MAP3K3: variants seen among roughly 807,000 people sequenced by gnomAD.
MAP3K3 encodes the protein mitogen-activated protein kinase kinase kinase 3, also known as MAP/ERK kinase kinase 3.
Under a neutral mutation model 80.9 loss-of-function variants are expected in MAP3K3, and 12 were observed. The observed-to-expected ratio is 0.15, with a 90% confidence interval of 0.10 to 0.24. The LOEUF is 0.24. Among genes scored for constraint, MAP3K3 ranks in the 10% least tolerant of loss-of-function variants. The pLI is 1.00. For missense variants in MAP3K3, 596 were observed against 834.7 expected, an observed-to-expected ratio of 0.71 and a Z score of 3.52; for synonymous variants, 272 against 307.1, an observed-to-expected ratio of 0.89 and a Z score of 1.19.
Position 63,689,427 on chromosome 17 carries a change from T to A in MAP3K3, c.872-117T>A. On this transcript the variant is annotated intron_variant, in intron 10 of 15. Coordinates refer to ENST00000361733, the MANE Select transcript of MAP3K3 (RefSeq NM_002401.5). The surrounding 1 kb of genome is among the most constrained non-coding windows in gnomAD (Gnocchi z 4.3). ...GCTGGTATTATCTATCACTTCTGGC[T>A]GAGACCTGGTTTGTATATTCCGCCT... 3 of 828,176 alleles carry A rather than the reference T, an allele frequency of 3.6e-6. No homozygotes were observed. The highest frequency in any genetic ancestry group is 5.6e-6 in the Non-Finnish European group (3 of 534,926). 51.3% of individuals were successfully genotyped at this position (828,176 alleles called of 1,614,324 possible).
intron 2 of MAP3K3, among the ~76,000 whole-genome samples, chr17:63,633,228 T>TAA (rs2034254377): frequency 6.9e-6 from 1 of 144,512 alleles, no homozygotes; most frequent in South Asian, 2.2e-4. Context: ...AAACTCTGTC[T>TAA]CAAAAAAAAA....
chr17:63,682,546 C>T (rs1186774633), intron 7 of MAP3K3: 4 of 152,262 alleles, frequency 2.6e-5, no homozygotes. Context: ...GCCTGCCTTT[C>T]TTGAGTTTGA....
At chr17:63,663,025 G>C (rs1019709099) in intron 5 of MAP3K3, among the ~76,000 whole-genome samples, 2 of 151,852 alleles carry the variant, frequency 1.3e-5, no homozygotes, top group African/African-American at 2.4e-5. Context: ...CCTCACCCAG[G>C]TGCCTCCACG....
chr17:63,676,082 T>C (rs1182709417), intron 6 of MAP3K3, among the ~76,000 whole-genome samples: 1 of 152,204 alleles, frequency 6.6e-6, no homozygotes, highest in African/African-American at 2.4e-5. Context: ...TGATAGCCAC[T>C]GGTTTGGGGA....
At chr17:63,663,980 C>T (rs909029118) in intron 5 of MAP3K3, among the ~76,000 whole-genome samples, 2 of 149,156 alleles carry the variant, frequency 1.3e-5, no homozygotes, top group African/African-American at 2.5e-5. Flanking sequence ...CGGTGGCTCA[C>T]GCCTGTAATC....
Position 63,694,988 on chromosome 17 carries a change from TG to T in MAP3K3, c.*1214del, listed in dbSNP as rs1463172477. The T allele has an allele frequency of 6.6e-6, 1 of 152,482 alleles. No homozygotes were observed. Among genetic ancestry groups the T allele is most frequent in the Non-Finnish European group, 1.5e-5 (1 of 68,132 alleles). The allele number at this position is 152,482 out of a possible 1,614,324, so 9.4% of individuals were successfully genotyped here. ...AGAGTTGGCCATATTTACCTCAGCC[TG>T]GGCGCTGGTCCTTTCTTCCGGCCCC... On this transcript the variant is annotated 3_prime_UTR_variant, in exon 16 of 16. Coordinates refer to ENST00000361733, the MANE Select transcript of MAP3K3 (RefSeq NM_002401.5).
Position 63,690,427 on chromosome 17 carries a change from T to C in MAP3K3, c.1212+15T>C, listed in dbSNP as rs969885551. 2.5e-6 allele frequency: 4 copies of C among 1,611,356 alleles called. No homozygotes were observed. In the Admixed American group the frequency reaches 6.7e-5, roughly 27 times the overall value. On this transcript the variant is annotated intron_variant, in intron 12 of 15. Transcript: ENST00000361733. Reference sequence around the variant, plus strand: ...AGACAAGCAAGGTACACTTAACCCGTGGTCTGACTTCAGTTCCCTCCTTTC... The same window carrying C: ...AGACAAGCAAGGTACACTTAACCCGCGGTCTGACTTCAGTTCCCTCCTTTC...
chr17:63,676,751 G>A (rs1005261845), intron 6 of MAP3K3, among the ~76,000 whole-genome samples: 1 of 152,172 alleles, frequency 6.6e-6, no homozygotes, highest in Non-Finnish European at 1.5e-5. Flanking sequence ...GAAGCCACCG[G>A]TCCAGAAGTC....
intron 6 of MAP3K3, among the ~76,000 whole-genome samples, chr17:63,667,360 A>C (rs1002914762): frequency 6.6e-6 from 1 of 152,164 alleles, no homozygotes. Context: ...CTGTGTTTAC[A>C]CTCACTTTTG....
At chr17:63,639,590 G>C (rs945196919) in intron 2 of MAP3K3, among the ~76,000 whole-genome samples, 1 of 152,142 alleles carries the variant, frequency 6.6e-6, no homozygotes, top group Non-Finnish European at 1.5e-5. Flanking sequence ...AGAGTGGGTT[G>C]GAAATGGGGA....
intron 6 of MAP3K3, among the ~76,000 whole-genome samples, chr17:63,676,170 G>A (rs1303645926): frequency 3.3e-5 from 5 of 152,188 alleles, no homozygotes; most frequent in African/African-American, 1.2e-4. Flanking sequence ...AACAAGGCTG[G>A]CTCTCTGCAG....
rs962020907 is a variant in MAP3K3 at position 63,694,051 on chromosome 17, G to A, written c.*274G>A. On this transcript the variant is annotated 3_prime_UTR_variant, in exon 16 of 16. Coordinates refer to ENST00000361733, the MANE Select transcript of MAP3K3 (RefSeq NM_002401.5). ...GTAGGGGCTGGGAACAGTGTGCAAG[G>A]CAGCCGTGGGCCCCACCCTCGGGGA... The A allele has an allele frequency of 2.5e-6, 1 of 395,030 alleles. No individual in the cohort carries two copies. The highest frequency in any genetic ancestry group is 4.7e-5 in the South Asian group (1 of 21,348). The allele number at this position is 395,030 out of a possible 1,614,324, so 24.5% of individuals were successfully genotyped here.
At chr17:63,622,967 G>A (rs1324093413) in intron 1 of MAP3K3, among the ~76,000 whole-genome samples, 1 of 147,964 alleles carries the variant, frequency 6.8e-6, no homozygotes, top group African/African-American at 2.4e-5. Context: ...GGGCGGCCCG[G>A]CCGGCAGAGC....
Position 63,622,655 on chromosome 17 carries a change from G to A in MAP3K3, c.-105G>A, listed in dbSNP as rs1017485015. ...AGAGCGCAGCCCGCGCCCCCCGCGC[G>A]GAGCCAGGCCCGCTGCCGTCCCCGC... On this transcript the variant is annotated 5_prime_UTR_variant, in exon 1 of 16. Coordinates refer to ENST00000361733, the MANE Select transcript of MAP3K3 (RefSeq NM_002401.5). 1.7e-4 allele frequency: 41 copies of A among 242,258 alleles called. No homozygotes were observed. Among genetic ancestry groups the A allele is most frequent in the South Asian group, 9.8e-4 (19 of 19,356 alleles). 15.0% of individuals were successfully genotyped at this position (242,258 alleles called of 1,614,324 possible). A position where few individuals can be genotyped will look rare whatever the true frequency, so the allele number is the denominator to read the frequency against.
intron 2 of MAP3K3, among the ~76,000 whole-genome samples, chr17:63,644,324 C>T (rs984407599): frequency 6.6e-6 from 1 of 152,138 alleles, no homozygotes; most frequent in Non-Finnish European, 1.5e-5. Context: ...AAGCGATTCT[C>T]CTGCCTCAGC....
intron 3 of MAP3K3, among the ~76,000 whole-genome samples, chr17:63,647,513 G>T (rs947634465): frequency 6.6e-6 from 1 of 152,202 alleles, no homozygotes; most frequent in Non-Finnish European, 1.5e-5. Flanking sequence ...CACTGAGAAA[G>T]TGTATGTGTT....
Position 63,634,851 on chromosome 17 carries a change from T to C in MAP3K3, c.126+2049T>C, listed in dbSNP as rs551810627. Reference sequence around the variant, plus strand: ...AGCCAAAATGTACTTTTAAATCTGCTACTCATGCTGCAACAGCAGAATTCA... The same window carrying C: ...AGCCAAAATGTACTTTTAAATCTGCCACTCATGCTGCAACAGCAGAATTCA... On this transcript the variant is annotated intron_variant, in intron 2 of 15. Coordinates refer to ENST00000361733, the MANE Select transcript of MAP3K3 (RefSeq NM_002401.5). The C allele has an allele frequency of 2.8e-5, 41 of 1,452,472 alleles. 1 individual carries two copies. The South Asian group carries it at 4.5e-4, about 16-fold the overall frequency. 90.0% of individuals were successfully genotyped at this position (1,452,472 alleles called of 1,614,324 possible).
chr17:63,691,883 T>C lies in MAP3K3; in HGVS notation c.1474+21T>C. ...TAAGGGTGAGCAGGGCCAGGATACA[T>C]GGAGTCCCCAGGACCTGGGTTCAAG... On this transcript the variant is annotated intron_variant, in intron 14 of 15. Transcript: ENST00000361733. The surrounding 1 kb of genome is among the most constrained non-coding windows in gnomAD (Gnocchi z 4.8). The C allele has an allele frequency of 2.5e-6, 4 of 1,611,520 alleles. No homozygotes were observed. Among genetic ancestry groups the C allele is most frequent in the Non-Finnish European group, 3.4e-6 (4 of 1,178,028 alleles).
rs189311881 is a variant in MAP3K3 at position 63,663,149 on chromosome 17, G to A, written c.382-3791G>A. On this transcript the variant is annotated intron_variant, in intron 5 of 15. Transcript: ENST00000361733. ...TTTGAAGACAACTGAGCTAGCAAAT[G>A]TCCAGAAGACAAAATTTTCAAGGAG... 2.0e-5 allele frequency among the ~76,000 whole-genome samples: 3 copies of A among 152,250 alleles called. No individual in the cohort carries two copies. The East Asian group carries it at 5.8e-4, about 29-fold the overall frequency.
Sources: gnomAD v4.1 joint callset for allele counts (sites outside exome capture counted in the v4.1 genomes callset) on GRCh38, gnomAD v4.1.1 for gene constraint, Gnocchi (gnomAD v3.1) non-coding constraint, MANE v1.5 for transcripts, NCBI Gene and HGNC (gene_info 2026-07-23, HGNC 2026-07-21) for gene names.